Variants in KDM6A observed in about 807,000 individuals in gnomAD.
KDM6A encodes lysine-specific demethylase 6A.
Under a neutral mutation model 117.6 loss-of-function variants are expected in KDM6A, and 11 were observed. The ratio of observed to expected loss-of-function variants is 0.09; its 90% CI spans 0.06 to 0.15. KDM6A has a LOEUF of 0.15. Ranked by LOEUF, KDM6A falls within the 10% of genes least tolerant of loss-of-function variation. The pLI is 1.00. For synonymous variants in KDM6A, 384 were observed against 396.1 expected (o/e 0.97, Z 0.36); for missense variants, 799 against 1,077.3 (o/e 0.74, Z 3.62).
chrX:44,934,469 A>G (rs756341529), intron 2 of KDM6A, among the ~76,000 whole-genome samples: 1 of 111,752 alleles, frequency 8.9e-6, no homozygotes, highest in Non-Finnish European at 1.9e-5. Context: ...CAGTTTTAGG[A>G]TTGTATCTAT....
Position 44,970,201 on chromosome X carries a change from C to T in KDM6A, c.335-4465C>T, listed in dbSNP as rs184759691. 1.7e-4 allele frequency among the ~76,000 whole-genome samples: 19 copies of T among 111,612 alleles called. No homozygotes were observed. The East Asian group carries it at 3.1e-3, about 18-fold the overall frequency. ...AAAATGTGTAAACGAGTAGAAAGAT[C>T]ACTATGGAAGAAATGGAACAAATGC... On this transcript the variant is annotated intron_variant, in intron 3 of 29. Coordinates refer to ENST00000611820, the MANE Select transcript of KDM6A (RefSeq NM_001291415.2).
At position 45,086,168 on chromosome X, in the gene KDM6A, T is replaced by C. The variant is rs2045631556; in HGVS notation, c.3704+189T>C. ...GTTATTGGAAATACTTTAAGAAAGA[T>C]GCCATGAAACAACTTCATGCAGTAG... On this transcript the variant is annotated intron_variant, in intron 25 of 29. Coordinates refer to ENST00000611820, the MANE Select transcript of KDM6A (RefSeq NM_001291415.2). 1.5e-5 allele frequency: 6 copies of C among 403,433 alleles called. No homozygotes were observed. The East Asian group carries it at 2.1e-4, about 14-fold the overall frequency. 33.2% of individuals were successfully genotyped at this position (403,433 alleles called of 1,213,427 possible). A position where few individuals can be genotyped will look rare whatever the true frequency, so the allele number is the denominator to read the frequency against.
intron 2 of KDM6A, among the ~76,000 whole-genome samples, chrX:44,939,710 A>G (rs925221303): frequency 5.4e-5 from 6 of 111,799 alleles, no homozygotes; most frequent in African/African-American, 9.8e-5. Context: ...GGAAGAGTCA[A>G]TCCATGTGGC....
At chrX:44,888,096 G>C (rs190968460) in intron 2 of KDM6A, among the ~76,000 whole-genome samples, 2 of 111,219 alleles carry the variant, frequency 1.8e-5, no homozygotes, top group Non-Finnish European at 3.8e-5. Context: ...CATGAGGTTG[G>C]GAGTTCAAGA....
chrX:44,950,175 C>T (rs939292672), intron 2 of KDM6A, among the ~76,000 whole-genome samples: 1 of 110,670 alleles, frequency 9.0e-6, no homozygotes, highest in African/African-American at 3.3e-5. Flanking sequence ...GCCACCATGC[C>T]TGGCTGATTT....
chrX:45,102,547 A>G (rs1035377946), intron 27 of KDM6A, among the ~76,000 whole-genome samples: 1 of 111,645 alleles, frequency 9.0e-6, no homozygotes, highest in East Asian at 2.8e-4. Flanking sequence ...GATTTTTCCA[A>G]CACTATGCGT....
At chrX:44,928,555 G>A (rs2036435926) in intron 2 of KDM6A, among the ~76,000 whole-genome samples, 1 of 111,908 alleles carries the variant, frequency 8.9e-6, no homozygotes, top group Non-Finnish European at 1.9e-5. Flanking sequence ...GTATTAAAAA[G>A]GCAAGCTATT....
chrX:44,931,524 C>T (rs190669191), intron 2 of KDM6A, among the ~76,000 whole-genome samples: 1 of 111,744 alleles, frequency 8.9e-6, no homozygotes, highest in East Asian at 2.8e-4. Context: ...AAATATTATG[C>T]AGCCCTTATA....
intron 2 of KDM6A, among the ~76,000 whole-genome samples, chrX:44,944,801 C>G (rs916929713): frequency 3.6e-5 from 4 of 111,901 alleles, no homozygotes; most frequent in African/African-American, 1.3e-4. Flanking sequence ...TTACTAGTTA[C>G]AGGAGGGTAT....
intron 3 of KDM6A, among the ~76,000 whole-genome samples, chrX:44,968,946 G>A (rs374416765): frequency 2.1e-5 from 2 of 96,211 alleles, no homozygotes; most frequent in Admixed American, 2.4e-4. Flanking sequence ...CTCCAGCCTG[G>A]ACAGTAAGAA....
intron 12 of KDM6A, 113 bp downstream of exon 12, chrX:45,059,579 T>A: frequency 1.8e-6 from 1 of 545,353 alleles, no homozygotes; most frequent in South Asian, 2.7e-5. Context: ...TATAATCTGT[T>A]TCCATATTTT....
intron 6 of KDM6A, among the ~76,000 whole-genome samples, chrX:45,033,152 T>C (rs759127692): frequency 1.8e-5 from 2 of 112,301 alleles, no homozygotes; most frequent in South Asian, 3.7e-4. Flanking sequence ...CTTAGAAATA[T>C]AGTACAGTCT....
At position 45,059,166 on chromosome X, in the gene KDM6A, A is replaced by G. The variant is rs908432804; in HGVS notation, c.974+62A>G. 1.9e-5 allele frequency: 22 copies of G among 1,156,826 alleles called. No individual in the cohort carries two copies. The African/African-American group carries it at 2.5e-4, about 13-fold the overall frequency. Reference sequence around the variant, plus strand: ...ATATACAAAGATGGTTGCATCACATATAGTACTTCATAGTTTAAATCATTA... The same window carrying G: ...ATATACAAAGATGGTTGCATCACATGTAGTACTTCATAGTTTAAATCATTA... On this transcript the variant is annotated intron_variant, in intron 11 of 29. Transcript: ENST00000611820.
intron 2 of KDM6A, among the ~76,000 whole-genome samples, chrX:44,895,272 A>AT (rs1239109580): frequency 9.4e-6 from 1 of 105,924 alleles, no homozygotes; most frequent in Non-Finnish European, 1.9e-5. Context: ...CGCCTGGCTA[A>AT]TTTTTTTTAT....
chrX:45,071,247 T>A (rs1404725488), intron 18 of KDM6A, among the ~76,000 whole-genome samples: 1 of 112,285 alleles, frequency 8.9e-6, no homozygotes, highest in Non-Finnish European at 1.9e-5. Flanking sequence ...AAAAGATCTT[T>A]TTTTGGTTGT....
chrX:44,957,090 G>A (rs1052786489), intron 2 of KDM6A, among the ~76,000 whole-genome samples: 3 of 109,879 alleles, frequency 2.7e-5, no homozygotes, highest in African/African-American at 6.6e-5. Context: ...AGACCACACC[G>A]TTGCACTCCA....
At chrX:45,050,579 C>CT (rs975101047) in intron 8 of KDM6A, among the ~76,000 whole-genome samples, 1 of 111,331 alleles carries the variant, frequency 9.0e-6, no homozygotes, top group East Asian at 2.8e-4. Flanking sequence ...TTTCTACCTA[C>CT]TTTTTTTTGA....
intron 27 of KDM6A, among the ~76,000 whole-genome samples, chrX:45,094,915 T>C (rs901330588): frequency 2.7e-4 from 30 of 111,424 alleles, no homozygotes; most frequent in African/African-American, 8.5e-4. Flanking sequence ...TAAAAGTTGG[T>C]TAGAAGCCAA....
At chrX:45,079,039 A>T in intron 20 of KDM6A, 107 bp from the exon 21 acceptor site, 1 of 663,874 alleles carries the variant, frequency 1.5e-6, no homozygotes, top group Non-Finnish European at 2.3e-6. Context: ...GGAACTGGAT[A>T]CAGTGCCGTA....
Sources: allele counts gnomAD v4.1 joint callset (sites outside exome capture counted in the v4.1 genomes callset), GRCh38; gene constraint gnomAD v4.1.1; transcripts MANE v1.5; gene names NCBI Gene and HGNC (gene_info 2026-07-23, HGNC 2026-07-21).